The following XKR4 variants were observed in gnomAD, a reference collection of about 807,000 sequenced individuals.
XKR4 encodes XK related 4.
XKR4 carries 12 observed loss-of-function variants against 53.9 expected under a neutral mutation model. The ratio of observed to expected loss-of-function variants is 0.22; its 90% CI spans 0.14 to 0.36. The LOEUF (loss-of-function observed/expected upper bound fraction) is 0.36, where lower values mean the gene tolerates loss of function less well. XKR4 is among the 10% of genes least tolerant of loss of function. XKR4 has a pLI of 1.00. For missense variants in XKR4, 799 were observed against 859.5 expected, an observed-to-expected ratio of 0.93 and a Z score of 0.88; for synonymous variants, 354 against 362.4, an observed-to-expected ratio of 0.98 and a Z score of 0.26.
intron 1 of XKR4, among the ~76,000 whole-genome samples, chr8:55,261,990 G>T (rs563080775): frequency 1.3e-5 from 2 of 152,044 alleles, no homozygotes; most frequent in East Asian, 3.9e-4. Context: ...TAAAATGAGA[G>T]GTCATGAGAG....
intron 1 of XKR4, among the ~76,000 whole-genome samples, chr8:55,162,337 T>C (rs1251228197): frequency 6.6e-6 from 1 of 152,218 alleles, no homozygotes; most frequent in East Asian, 1.9e-4. Context: ...GCAATAAGCG[T>C]CTTTTAAAAT....
At chr8:55,336,705 G>C (rs945488409) in intron 1 of XKR4, among the ~76,000 whole-genome samples, 3 of 151,964 alleles carry the variant, frequency 2.0e-5, no homozygotes, top group Admixed American at 6.6e-5. Flanking sequence ...GGTTGCCTGG[G>C]GGAGAAAGGG....
chr8:55,502,830 T>C (rs1806464828), intron 2 of XKR4, among the ~76,000 whole-genome samples: 1 of 152,210 alleles, frequency 6.6e-6, no homozygotes, highest in African/African-American at 2.4e-5. Context: ...TATTTTCTTC[T>C]AAGAATTTTC....
At chr8:55,325,492 G>A (rs1012648153) in intron 1 of XKR4, among the ~76,000 whole-genome samples, 2 of 152,048 alleles carry the variant, frequency 1.3e-5, no homozygotes, top group African/African-American at 2.4e-5. Flanking sequence ...TTTACCCTGC[G>A]GGGTCTTCAG....
chr8:55,489,414 T>C (rs955478743), intron 2 of XKR4, among the ~76,000 whole-genome samples: 2 of 152,158 alleles, frequency 1.3e-5, no homozygotes, highest in African/African-American at 4.8e-5. Flanking sequence ...ATTTCAAGTA[T>C]TTATCTGTTA....
intron 1 of XKR4, among the ~76,000 whole-genome samples, chr8:55,121,442 C>T (rs926474306): frequency 1.3e-5 from 2 of 152,198 alleles, no homozygotes; most frequent in East Asian, 1.9e-4. Flanking sequence ...ATACCGTGAA[C>T]TTGTCCAAGT....
chr8:55,148,285 G>T (rs1816796505), intron 1 of XKR4, among the ~76,000 whole-genome samples: 1 of 152,068 alleles, frequency 6.6e-6, no homozygotes, highest in South Asian at 2.1e-4. Context: ...CACACCTGTA[G>T]TCCCAGCTAC....
At chr8:55,284,997 G>A (rs923399088) in intron 1 of XKR4, among the ~76,000 whole-genome samples, 4 of 152,056 alleles carry the variant, frequency 2.6e-5, no homozygotes, top group African/African-American at 4.8e-5. Context: ...TGCCCCAAAC[G>A]CTCAGGCTCT....
intron 1 of XKR4, chr8:55,164,488 C>G: frequency 2.2e-6 from 1 of 455,522 alleles, no homozygotes. Flanking sequence ...TCCACAGCTG[C>G]AAGCTCAATG....
rs184770687 is a variant in XKR4, at chr8:55,190,691, G to A, written c.806+87397G>A. Among the ~76,000 whole-genome samples, 222 of 152,282 alleles carry A rather than the reference G, an allele frequency of 1.5e-3. 1 individual carries two copies. The highest frequency in any genetic ancestry group is 5.1e-3 in the African/African-American group (210 of 41,552). ...GGCATAATAATTTTAGAAAGGTAAC[G>A]TGTGGTATGCTGAACAGACAGGGGC... On this transcript the variant is annotated intron_variant, in intron 1 of 2. Transcript: ENST00000327381.
chr8:55,470,200 T>C (rs1466857779), intron 2 of XKR4, among the ~76,000 whole-genome samples: 1 of 152,146 alleles, frequency 6.6e-6, no homozygotes, highest in Non-Finnish European at 1.5e-5. Flanking sequence ...ATGCGTCAGA[T>C]AATAATATTG....
intron 1 of XKR4, among the ~76,000 whole-genome samples, chr8:55,349,240 G>GT (rs1803692845): frequency 6.6e-6 from 1 of 152,156 alleles, no homozygotes. Flanking sequence ...AGCCATGATT[G>GT]TTCAGAACTG....
At chr8:55,196,397 G>A (rs1431816451) in intron 1 of XKR4, among the ~76,000 whole-genome samples, 1 of 152,050 alleles carries the variant, frequency 6.6e-6, no homozygotes, top group Non-Finnish European at 1.5e-5. Context: ...CGGTCAGGCT[G>A]GTCTTGAACT....
chr8:55,169,659 A>G (rs886744799), intron 1 of XKR4, among the ~76,000 whole-genome samples: 1 of 152,220 alleles, frequency 6.6e-6, no homozygotes, highest in African/African-American at 2.4e-5. Flanking sequence ...GTAGTGTGCA[A>G]AAAGATTTCA....
At chr8:55,374,210 T>A (rs894713903) in intron 2 of XKR4, among the ~76,000 whole-genome samples, 2 of 152,222 alleles carry the variant, frequency 1.3e-5, no homozygotes, top group African/African-American at 4.8e-5. Flanking sequence ...TGTATCACAT[T>A]ATTACGATAA....
intron 2 of XKR4, among the ~76,000 whole-genome samples, chr8:55,473,691 A>G (rs1343029115): frequency 2.0e-5 from 3 of 152,126 alleles, no homozygotes; most frequent in Admixed American, 6.5e-5. Flanking sequence ...TTGCATATGG[A>G]CCATTTCTAT....
intron 1 of XKR4, among the ~76,000 whole-genome samples, chr8:55,126,346 G>A (rs901305308): frequency 1.3e-5 from 2 of 152,214 alleles, no homozygotes; most frequent in Non-Finnish European, 2.9e-5. Context: ...TGAGCAGCAG[G>A]TCATAGCTCC....
intron 1 of XKR4, among the ~76,000 whole-genome samples, chr8:55,202,738 A>T (rs1001562476): frequency 1.3e-5 from 2 of 152,248 alleles, no homozygotes; most frequent in Non-Finnish European, 2.9e-5. Context: ...AGCAAAGGCC[A>T]GGCAGACTAA....
intron 1 of XKR4, among the ~76,000 whole-genome samples, chr8:55,256,296 CT>C (rs1818438369): frequency 6.6e-6 from 1 of 152,056 alleles, no homozygotes; most frequent in Non-Finnish European, 1.5e-5. Context: ...TCACTGGTAC[CT>C]TGAAAAAATT....
Sources: allele counts gnomAD v4.1 joint callset (sites outside exome capture counted in the v4.1 genomes callset), GRCh38; gene constraint gnomAD v4.1.1; transcripts MANE v1.5; gene names NCBI Gene and HGNC (gene_info 2026-07-23, HGNC 2026-07-21).